BIN1: variants seen among roughly 807,000 people sequenced by gnomAD.
BIN1 encodes bridging integrator 1, also known as myc box-dependent-interacting protein 1.
BIN1 carries 53 observed loss-of-function variants against 82.0 expected under a neutral mutation model. The observed-to-expected ratio is 0.65, with a 90% CI of 0.52 to 0.81. The LOEUF is 0.81. Ranked by LOEUF, BIN1 falls within the 40% of genes least tolerant of loss-of-function variation. The pLI is 0.00. For missense variants in BIN1, 642 were observed against 784.4 expected (o/e 0.82, Z 2.17); for synonymous variants, 302 against 328.0 (o/e 0.92, Z 0.86).
At chr2:127,072,806 G>A (rs1410340199) in intron 2 of BIN1, among the ~76,000 whole-genome samples, 1 of 152,128 alleles carries the variant, frequency 6.6e-6, no homozygotes, top group Non-Finnish European at 1.5e-5. Flanking sequence ...GTCGGATGGA[G>A]ACCCCGCGGG....
At position 127,057,012 on chromosome 2, in the gene BIN1, C is replaced by G. The variant is rs958416705; in HGVS notation, c.1131+461G>C. 3.3e-5 allele frequency among the ~76,000 whole-genome samples: 5 copies of G among 152,228 alleles called. No individual in the cohort carries two copies. The highest frequency in any genetic ancestry group is 4.4e-5 in the Non-Finnish European group (3 of 68,038). ...TTCCACGCCTCTTAGGGAGTGTGCA[C>G]ACGGCAGTTCTGCCCTGCAGCCTGG... On this transcript the variant is annotated intron_variant, in intron 12 of 18. Coordinates refer to ENST00000316724, the MANE Select transcript of BIN1 (RefSeq NM_139343.3). The surrounding 1 kb of genome is among the most constrained non-coding windows in gnomAD (Gnocchi z 5.0).
At chr2:127,080,357 C>CT (rs1687137899) in intron 1 of BIN1, among the ~76,000 whole-genome samples, 1 of 152,230 alleles carries the variant, frequency 6.6e-6, no homozygotes, top group African/African-American at 2.4e-5. Flanking sequence ...CCAGGAGGGG[C>CT]TGGCCCAGCA....
chr2:127,069,942 T>G, intron 5 of BIN1, 53 bp downstream of exon 5: 1 of 1,577,090 alleles, frequency 6.3e-7, no homozygotes, highest in Non-Finnish European at 8.7e-7. Flanking sequence ...CCCTGTCCTC[T>G]CTCCAGTTCC....
intron 15 of BIN1, among the ~76,000 whole-genome samples, chr2:127,051,528 A>G (rs1402348222): frequency 6.6e-6 from 1 of 151,974 alleles, no homozygotes; most frequent in Non-Finnish European, 1.5e-5. Flanking sequence ...TGCCACCCCC[A>G]ACCCCGCCTC....
chr2:127,052,283 C>A lies in BIN1; in HGVS notation c.1343G>T (p.Ser448Ile). 1 of 1,580,184 alleles carries A rather than the reference C, an allele frequency of 6.3e-7. No individual in the cohort carries two copies. Among genetic ancestry groups the A allele is most frequent in the Non-Finnish European group, 8.6e-7 (1 of 1,163,360 alleles). The change falls in exon 15 of 19, where the codon AGC (serine) becomes ATC (isoleucine). Residue 448 changes from serine (S) to isoleucine (I), a missense_variant. Coordinates refer to ENST00000316724, the MANE Select transcript of BIN1 (RefSeq NM_139343.3). ...GGCAGGCCCCGGCTCGGCCGTCTGG[C>A]TGGGCCAGGACACAGCAAAGGTGCC... is the stretch of plus-strand genomic sequence containing the variant. Reference protein sequence around the residue: ...AEGTFAVSWPSQTAEPGPAQP... With the variant: ...AEGTFAVSWPIQTAEPGPAQP...
At position 127,101,007 on chromosome 2, in the gene BIN1, G is replaced by GGGGGGC. The variant is rs1465212990; in HGVS notation, c.84+5852_84+5853insGCCCCC. Among the ~76,000 whole-genome samples the GGGGGGC allele has an allele frequency of 2.2e-5, 3 of 133,612 alleles. No individual in the cohort carries two copies. The East Asian group carries it at 6.6e-4, about 30-fold the overall frequency. The allele number at this position is 133,612 out of a possible 152,430, so 87.7% of individuals were successfully genotyped here. A position where few individuals can be genotyped will look rare whatever the true frequency, so the allele number is the denominator to read the frequency against. ...CCAAGGGTAGGAATGTGCGGGGGGT[G>GGGGGGC]GGGATAGACTCAAACTCAGCTGTCT... On this transcript the variant is annotated intron_variant, in intron 1 of 18. Coordinates refer to ENST00000316724, the MANE Select transcript of BIN1 (RefSeq NM_139343.3).
chr2:127,058,770 G>A (rs1684039178), intron 11 of BIN1, among the ~76,000 whole-genome samples: 1 of 151,814 alleles, frequency 6.6e-6, no homozygotes, highest in Non-Finnish European at 1.5e-5. Context: ...AGGGGAGGGC[G>A]CTGCAGTGGG....
chr2:127,076,539 G>A (rs543872321), intron 2 of BIN1, 87 bp downstream of exon 2: 50 of 1,472,522 alleles, frequency 3.4e-5, no homozygotes, highest in African/African-American at 8.3e-5. Flanking sequence ...CCAAGCTCTC[G>A]TACTCCACAA....
At chr2:127,078,086 G>A (rs1441536763) in intron 1 of BIN1, among the ~76,000 whole-genome samples, 1 of 152,224 alleles carries the variant, frequency 6.6e-6, no homozygotes, top group Non-Finnish European at 1.5e-5. Context: ...CAGGGCCCAG[G>A]CCACGGTCCT....
At chr2:127,051,828 C>G (rs1444427313) in intron 15 of BIN1, among the ~76,000 whole-genome samples, 1 of 152,226 alleles carries the variant, frequency 6.6e-6, no homozygotes, top group African/African-American at 2.4e-5. Context: ...CTGGGCTGAC[C>G]TGGGCCGACA....
chr2:127,087,424 C>T (rs1229511631), intron 1 of BIN1, among the ~76,000 whole-genome samples: 3 of 152,254 alleles, frequency 2.0e-5, no homozygotes, highest in Admixed American at 6.5e-5. Flanking sequence ...AAATTCCAGC[C>T]GGTTCTGTAG....
At chr2:127,075,890 C>A (rs1686541065) in intron 2 of BIN1, among the ~76,000 whole-genome samples, 1 of 142,836 alleles carries the variant, frequency 7.0e-6, no homozygotes, top group African/African-American at 2.6e-5. Context: ...ATGCTCCCAG[C>A]CCTCCCAGCT....
chr2:127,076,041 C>T (rs56275366), intron 2 of BIN1, among the ~76,000 whole-genome samples: 23,732 of 149,774 alleles, frequency 0.16, 1,966 homozygotes, highest in South Asian at 0.25. Flanking sequence ...TCCCGGCCCT[C>T]GCAGCTGCTC....
Position 127,107,109 on chromosome 2 carries a change from G to GGCGA in BIN1, c.-170_-167dup. 1 of 712,970 alleles carries GGCGA rather than the reference G, an allele frequency of 1.4e-6. No homozygotes were observed. Among genetic ancestry groups the GGCGA allele is most frequent in the South Asian group, 3.9e-5 (1 of 25,374 alleles). 44.2% of individuals were successfully genotyped at this position (712,970 alleles called of 1,614,324 possible). On this transcript the variant is annotated 5_prime_UTR_variant, in exon 1 of 19. Coordinates refer to ENST00000316724, the MANE Select transcript of BIN1 (RefSeq NM_139343.3). The surrounding 1 kb of genome is among the most constrained non-coding windows in gnomAD (Gnocchi z 5.9). ...ACGGAGGCGGAGCGTGCGCCGGACG[G>GGCGA]GCGAGCGAGCCAGCGAGCTAGCCAG...
rs2301197 is a variant in BIN1 at position 127,060,211 on chromosome 2, A to G, written c.858-1056T>C. On this transcript the variant is annotated intron_variant, in intron 10 of 18. Coordinates refer to ENST00000316724, the MANE Select transcript of BIN1 (RefSeq NM_139343.3). ...TGTATTCTCCTTAAAGAATATATGT[A>G]TAAGTATATGGTATACACATAGAAT... Among the ~76,000 whole-genome samples, 1,641 of 152,344 alleles carry G rather than the reference A, an allele frequency of 0.011. 103 individuals are homozygous for G. The East Asian group carries it at 0.19, about 18-fold the overall frequency.
chr2:127,100,999 C>CG (rs1553487375), intron 1 of BIN1, among the ~76,000 whole-genome samples: 3 of 101,684 alleles, frequency 3.0e-5, no homozygotes, highest in Non-Finnish European at 5.9e-5. Context: ...TAGGAATGTG[C>CG]GGGGGGTGGG....
chr2:127,073,463 C>G (rs2105106594), intron 2 of BIN1, among the ~76,000 whole-genome samples: 1 of 152,316 alleles, frequency 6.6e-6, no homozygotes, highest in Non-Finnish European at 1.5e-5. Flanking sequence ...TTGGGGGAGT[C>G]AGGAAGGTCC....
chr2:127,059,306 G>A lies in BIN1; in HGVS notation c.858-151C>T. Reference sequence around the variant, plus strand: ...TGTGTGTGTGTGTATGTGAGAGAGAGCAGGAGGGTGGGGGGAGCCAAGGGA... The same window carrying A: ...TGTGTGTGTGTGTATGTGAGAGAGAACAGGAGGGTGGGGGGAGCCAAGGGA... On this transcript the variant is annotated intron_variant, in intron 10 of 18. Coordinates refer to ENST00000316724, the MANE Select transcript of BIN1 (RefSeq NM_139343.3). The surrounding 1 kb of genome is among the most constrained non-coding windows in gnomAD (Gnocchi z 6.7). 2 of 635,484 alleles carry A rather than the reference G, an allele frequency of 3.1e-6. No individual in the cohort carries two copies. The highest frequency in any genetic ancestry group is 5.1e-6 in the Non-Finnish European group (2 of 393,964). 39.4% of individuals were successfully genotyped at this position (635,484 alleles called of 1,614,324 possible). A position where few individuals can be genotyped will look rare whatever the true frequency, so the allele number is the denominator to read the frequency against.
At chr2:127,106,562 G>C (rs1261859492) in intron 1 of BIN1, among the ~76,000 whole-genome samples, 11 of 152,164 alleles carry the variant, frequency 7.2e-5, no homozygotes, top group African/African-American at 2.4e-4. Flanking sequence ...GCGCGCCTGA[G>C]AAGAGCCTGG....
Sources: allele counts gnomAD v4.1 joint callset (sites outside exome capture counted in the v4.1 genomes callset), GRCh38; gene constraint gnomAD v4.1.1; non-coding constraint Gnocchi (gnomAD v3.1); transcripts MANE v1.5; gene names NCBI Gene and HGNC (gene_info 2026-07-23, HGNC 2026-07-21).